CLEC11A: variants seen among roughly 807,000 people sequenced by gnomAD.
CLEC11A encodes C-type lectin domain containing 11A.
A neutral mutation model predicts 33.9 loss-of-function variants in CLEC11A; 35 were observed. That is an observed-to-expected ratio of 1.03 (90% confidence interval 0.79 to 1.37). The LOEUF is 1.37. CLEC11A is among the 40% of genes most tolerant of loss of function. CLEC11A has a pLI of 0.00. For missense variants in CLEC11A, 519 were observed against 455.5 expected (o/e 1.14, Z -1.27); for synonymous variants, 220 against 202.2 (o/e 1.09, Z -0.75).
At position 50,723,938 on chromosome 19, in the gene CLEC11A, AG is replaced by A. The variant is rs768355917; in HGVS notation, c.187del (p.Asp63MetfsTer77). On this transcript the variant is annotated frameshift_variant, in exon 2 of 4. Coordinates refer to ENST00000250340, the MANE Select transcript of CLEC11A (RefSeq NM_002975.3). LOFTEE classifies it high-confidence loss of function. This position sits in a 1 kb window ranked among gnomAD's most constrained non-coding sequence, Gnocchi z 4.1. ...GGAAGCCCTAGGACTGCCTGCTGGGAGGGGGGATGAGAATCCTGCCGGAACT... is the reference window on the plus strand; with the variant it reads ...GGAAGCCCTAGGACTGCCTGCTGGGAGGGGGATGAGAATCCTGCCGGAACT... ...LQEALGLPAG[R>X]GDENPAGTVE... 1 of 1,612,956 alleles carries A rather than the reference AG, an allele frequency of 6.2e-7. No homozygotes were observed.
In CLEC11A at chr19:50,724,981, T is replaced by C; in HGVS notation, c.527-41T>C. 7.0e-7 allele frequency: 1 copy of C among 1,437,668 alleles called. No individual in the cohort carries two copies. Among genetic ancestry groups the C allele is most frequent in the Non-Finnish European group, 9.1e-7 (1 of 1,098,640 alleles). 89.1% of individuals were successfully genotyped at this position (1,437,668 alleles called of 1,614,324 possible). On this transcript the variant is annotated intron_variant, in intron 3 of 3. Transcript: ENST00000250340. The surrounding 1 kb of genome is among the most constrained non-coding windows in gnomAD (Gnocchi z 4.1). ...TCCTCGCCCCCTTCCAGACTCTGAA[T>C]GCATGACCCCGCCTCCTTCTCTACC...
chr19:50,725,327 G>T lies in CLEC11A; in HGVS notation c.832G>T (p.Ala278Ser), dbSNP rs1404948364. The change falls in exon 4 of 4, where the codon GCC becomes TCC. Residue 278 changes from alanine (A) to serine (S), a missense_variant. Ala to Ser is a moderately conservative substitution (Grantham distance 99). Transcript: ENST00000250340. ...CCCCGAGCTCGGCGCCCAGCCCAGCGCCTCGCCGCATCCGCTCAGCCCGGA... is the reference window on the plus strand; with the variant it reads ...CCCCGAGCTCGGCGCCCAGCCCAGCTCCTCGCCGCATCCGCTCAGCCCGGA... The part of the protein sequence containing the change: ...PRPELGAQPS[A>S]SPHPLSPDQP... 4 of 1,611,930 alleles carry T rather than the reference G, an allele frequency of 2.5e-6. No homozygotes were observed. The highest frequency in any genetic ancestry group is 1.1e-5 in the South Asian group (1 of 90,944).
chr19:50,724,028 A>T lies in CLEC11A; in HGVS notation c.271A>T (p.Thr91Ser). 1 of 1,611,730 alleles carries T rather than the reference A, an allele frequency of 6.2e-7. No individual in the cohort carries two copies. Among genetic ancestry groups the T allele is most frequent in the South Asian group, 1.1e-5 (1 of 91,020 alleles). The change falls in exon 2 of 4, where the codon ACG (threonine) becomes TCG (serine). Residue 91 changes from threonine to serine, a missense_variant. Thr to Ser is a moderately conservative substitution (Grantham distance 58). Transcript: ENST00000250340. The surrounding 1 kb of genome is among the most constrained non-coding windows in gnomAD (Gnocchi z 4.1). Reference sequence around the variant, plus strand: ...GGGGGAGGAAGAGGAGGAGGAAGCAACGCCAACCCCATCCTCCGGCCCCAG... The same window carrying T: ...GGGGGAGGAAGAGGAGGAGGAAGCATCGCCAACCCCATCCTCCGGCCCCAG... ...DQGEEEEEEA[T>S]PTPSSGPSPS...
rs1254989267 is a variant in CLEC11A, at chr19:50,725,391, A to T, written c.896A>T (p.Gln299Leu). The change falls in exon 4 of 4, where the codon CAG becomes CTG. Residue 299 changes from glutamine (Q) to leucine (L), a missense_variant. Gln to Leu is a moderately radical substitution (Grantham distance 113, BLOSUM62 -2). Transcript: ENST00000250340. ...NGGTLENCVA[Q>L]ASDDGSWWDH... ...GGCACGCTCGAGAACTGCGTGGCGC[A>T]GGCCTCTGACGACGGCTCCTGGTGG... is the stretch of plus-strand genomic sequence containing the variant. The T allele has an allele frequency of 6.2e-7, 1 of 1,611,778 alleles. No individual in the cohort carries two copies.
chr19:50,724,828 C>T lies in CLEC11A; in HGVS notation c.527-194C>T. Reference sequence around the variant, plus strand: ...CACCACGCCCCCTACAGTCCAGCTCCCACCGCCTGGCCCCGCCCCTGGCGG... The same window carrying T: ...CACCACGCCCCCTACAGTCCAGCTCTCACCGCCTGGCCCCGCCCCTGGCGG... On this transcript the variant is annotated intron_variant, in intron 3 of 3. Coordinates refer to ENST00000250340, the MANE Select transcript of CLEC11A (RefSeq NM_002975.3). The surrounding 1 kb of genome is among the most constrained non-coding windows in gnomAD (Gnocchi z 4.1). The T allele has an allele frequency of 7.3e-7, 1 of 1,369,920 alleles. No homozygotes were observed. Among genetic ancestry groups the T allele is most frequent in the Non-Finnish European group, 9.5e-7 (1 of 1,057,056 alleles). The allele number at this position is 1,369,920 out of a possible 1,614,324, so 84.9% of individuals were successfully genotyped here.
At position 50,725,085 on chromosome 19, in the gene CLEC11A, A is replaced by T; in HGVS notation, c.590A>T (p.Gln197Leu). ...CTGCTCTCGCGCGACTTCGAAGCTC[A>T]GGCGGCGGCGCAGGCGCGGTGCACG... ...CFLLSRDFEA[Q>L]AAAQARCTAR... Residue 197 changes from glutamine to leucine, a missense_variant, in exon 4 of 4, where the codon CAG becomes CTG. Physicochemically the swap from Gln to Leu is moderately radical, Grantham distance 113 (BLOSUM62 -2). Coordinates refer to ENST00000250340, the MANE Select transcript of CLEC11A (RefSeq NM_002975.3). 1 of 1,521,724 alleles carries T rather than the reference A, an allele frequency of 6.6e-7. No individual in the cohort carries two copies. Among genetic ancestry groups the T allele is most frequent in the Non-Finnish European group, 8.8e-7 (1 of 1,136,870 alleles). 94.3% of individuals were successfully genotyped at this position (1,521,724 alleles called of 1,614,324 possible).
rs2089166197 is a variant in CLEC11A, at chr19:50,724,306, C to G, written c.335-104C>G. ...CAGGAGTCCGGGGTGCCCCCCCCAC[C>G]GCCACCCCGCCCTCAGGAGCCCTAG... On this transcript the variant is annotated intron_variant, in intron 2 of 3. Transcript: ENST00000250340. The surrounding 1 kb of genome is among the most constrained non-coding windows in gnomAD (Gnocchi z 4.1). 9.4e-7 allele frequency: 1 copy of G among 1,061,706 alleles called. No homozygotes were observed. The allele number at this position is 1,061,706 out of a possible 1,614,324, so 65.8% of individuals were successfully genotyped here.
At position 50,723,421 on chromosome 19, in the gene CLEC11A, A is replaced by G; in HGVS notation, c.-105A>G. The G allele has an allele frequency of 8.6e-7, 1 of 1,159,516 alleles. No individual in the cohort carries two copies. The highest frequency in any genetic ancestry group is 1.3e-6 in the Non-Finnish European group (1 of 792,042). 71.8% of individuals were successfully genotyped at this position (1,159,516 alleles called of 1,614,324 possible). ...TGGGAGAATCGGGAACCTGGGGGCT[A>G]GTGACCTGCACACAGGGCAGGGGCA... On this transcript the variant is annotated 5_prime_UTR_variant, in exon 1 of 4. Coordinates refer to ENST00000250340, the MANE Select transcript of CLEC11A (RefSeq NM_002975.3). This position sits in a 1 kb window ranked among gnomAD's most constrained non-coding sequence, Gnocchi z 4.1.
chr19:50,725,265 A>AGC lies in CLEC11A; in HGVS notation c.774_775dup (p.Val259AlafsTer147), dbSNP rs764557625. On this transcript the variant is annotated frameshift_variant, in exon 4 of 4. Transcript: ENST00000250340. LOFTEE classifies it high-confidence loss of function. The stretch of plus-strand genomic sequence containing the variant: ...GGCCTCTACCTCTTCGAAAACGGCC[A>AGC]GCGCGTGTCCTTCTTCGCCTGGCAT... The AGC allele has an allele frequency of 1.2e-6, 2 of 1,611,324 alleles. No homozygotes were observed. Among genetic ancestry groups the AGC allele is most frequent in the Non-Finnish European group, 1.7e-6 (2 of 1,179,156 alleles).
Position 50,724,068 on chromosome 19 carries a change from C to G in CLEC11A, c.311C>G (p.Pro104Arg), listed in dbSNP as rs2303688. ...TCCGGCCCCAGCCCCTCTCCCACCC[C>G]TGAGGACATCGTCACTTACATCCGT... is the stretch of plus-strand genomic sequence containing the variant. ...PSSGPSPSPT[P>R]EDIVTYILGR... The change falls in exon 2 of 4, where the codon CCT becomes CGT. Residue 104 changes from proline (P) to arginine (R), a missense_variant. Transcript: ENST00000250340. The surrounding 1 kb of genome is among the most constrained non-coding windows in gnomAD (Gnocchi z 4.1). The G allele has an allele frequency of 3.7e-4, 601 of 1,613,674 alleles. 7 individuals carry two copies. In the East Asian group the frequency reaches 0.013, roughly 35 times the overall value.
Position 50,725,553 on chromosome 19 carries a change from C to T in CLEC11A, c.*86C>T, listed in dbSNP as rs2089181301. On this transcript the variant is annotated 3_prime_UTR_variant, in exon 4 of 4. Transcript: ENST00000250340. ...CACCCTCCTCCGGAATCTCCCTTCC[C>T]TTCCTGGCCACGAATGGCAGCGTCC... The T allele has an allele frequency of 2.1e-6, 3 of 1,452,322 alleles. No individual in the cohort carries two copies. The highest frequency in any genetic ancestry group is 2.5e-5 in the East Asian group (1 of 39,838). The allele number at this position is 1,452,322 out of a possible 1,614,324, so 90.0% of individuals were successfully genotyped here. A position where few individuals can be genotyped will look rare whatever the true frequency, so the allele number is the denominator to read the frequency against.
chr19:50,725,049 A>C lies in CLEC11A; in HGVS notation c.554A>C (p.His185Pro). The change falls in exon 4 of 4, where the codon CAC (histidine) becomes CCC (proline). Residue 185 changes from histidine (H) to proline (P), a missense_variant. Physicochemically the swap from His to Pro is moderately conservative, Grantham distance 77 (BLOSUM62 -2). Coordinates refer to ENST00000250340, the MANE Select transcript of CLEC11A (RefSeq NM_002975.3). ...EGCLKGLRLG[H>P]KCFLLSRDFE... The stretch of plus-strand genomic sequence containing the variant: ...TGCCTGAAGGGGCTGCGCCTGGGCC[A>C]CAAGTGCTTCCTGCTCTCGCGCGAC... 2.6e-6 allele frequency: 4 copies of C among 1,511,804 alleles called. 1 individual carries two copies. In the Middle Eastern group the frequency reaches 6.9e-4, roughly 259 times the overall value. The allele number at this position is 1,511,804 out of a possible 1,614,324, so 93.6% of individuals were successfully genotyped here.
In CLEC11A at chr19:50,725,157, A is replaced by G. The variant is rs1478354007; in HGVS notation, c.662A>G (p.Glu221Gly). 6.4e-7 allele frequency: 1 copy of G among 1,566,306 alleles called. No homozygotes were observed. The highest frequency in any genetic ancestry group is 8.6e-7 in the Non-Finnish European group (1 of 1,157,590). Residue 221 changes from glutamate (E) to glycine (G), a missense_variant, in exon 4 of 4, where the codon GAG becomes GGG. Physicochemically the swap from Glu to Gly is moderately conservative, Grantham distance 98. Coordinates refer to ENST00000250340, the MANE Select transcript of CLEC11A (RefSeq NM_002975.3). ...LAQPADRQQM[E>G]ALTRYLRAAL... ...CAGCCGGCAGACCGCCAGCAGATGG[A>G]GGCGCTCACTCGGTACCTGCGCGCG...
In CLEC11A at chr19:50,724,125, T is replaced by G. The variant is rs1488762831; in HGVS notation, c.334+34T>G. 6.3e-7 allele frequency: 1 copy of G among 1,594,066 alleles called. No homozygotes were observed. Among genetic ancestry groups the G allele is most frequent in the Non-Finnish European group, 8.5e-7 (1 of 1,171,844 alleles). Reference sequence around the variant, plus strand: ...CCAGAAGCCCTCACCCCCAAACTCCTAGGCCGCCGCGGTCACTTTCGCAAA... The same window carrying G: ...CCAGAAGCCCTCACCCCCAAACTCCGAGGCCGCCGCGGTCACTTTCGCAAA... On this transcript the variant is annotated intron_variant, in intron 2 of 3. Transcript: ENST00000250340. The surrounding 1 kb of genome is among the most constrained non-coding windows in gnomAD (Gnocchi z 4.1).
At position 50,725,371 on chromosome 19, in the gene CLEC11A, G is replaced by A. The variant is rs1312499414; in HGVS notation, c.876G>A (p.Thr292=). The A allele has an allele frequency of 3.3e-5, 53 of 1,611,938 alleles. No individual in the cohort carries two copies. Among genetic ancestry groups the A allele is most frequent in the Non-Finnish European group, 4.3e-5 (51 of 1,179,472 alleles). Residue 292 remains threonine (T), a synonymous_variant, in exon 4 of 4, where the codon ACG becomes ACA. Coordinates refer to ENST00000250340, the MANE Select transcript of CLEC11A (RefSeq NM_002975.3). ...PLSPDQPNGG[T]LENCVAQASD... The stretch of plus-strand genomic sequence containing the variant: ...GCCCGGACCAGCCCAACGGTGGCAC[G>A]CTCGAGAACTGCGTGGCGCAGGCCT...
At position 50,725,091 on chromosome 19, in the gene CLEC11A, C is replaced by T. The variant is rs1246273747; in HGVS notation, c.596C>T (p.Ala199Val). The T allele has an allele frequency of 2.6e-6, 4 of 1,520,116 alleles. No homozygotes were observed. The African/African-American group carries it at 4.2e-5, about 16-fold the overall frequency. The allele number at this position is 1,520,116 out of a possible 1,614,324, so 94.2% of individuals were successfully genotyped here. The change falls in exon 4 of 4, where the codon GCG (alanine) becomes GTG (valine). Residue 199 changes from alanine (A) to valine (V), a missense_variant. Physicochemically the swap from Ala to Val is moderately conservative, Grantham distance 64. Transcript: ENST00000250340. ...LLSRDFEAQA[A>V]AQARCTARGG... ...TCGCGCGACTTCGAAGCTCAGGCGGCGGCGCAGGCGCGGTGCACGGCGCGG... is the reference window on the plus strand; with the variant it reads ...TCGCGCGACTTCGAAGCTCAGGCGGTGGCGCAGGCGCGGTGCACGGCGCGG...
In CLEC11A at chr19:50,724,149, A is replaced by G. The variant is rs1339939727; in HGVS notation, c.334+58A>G. 3.7e-5 allele frequency: 59 copies of G among 1,605,276 alleles called. No individual in the cohort carries two copies. The highest frequency in any genetic ancestry group is 4.9e-5 in the Non-Finnish European group (58 of 1,177,400). On this transcript the variant is annotated intron_variant, in intron 2 of 3. Coordinates refer to ENST00000250340, the MANE Select transcript of CLEC11A (RefSeq NM_002975.3). This position sits in a 1 kb window ranked among gnomAD's most constrained non-coding sequence, Gnocchi z 4.1. ...CTAGGCCGCCGCGGTCACTTTCGCA[A>G]AAATGAAGGGTCGGTTCACTGCCAA...
At position 50,723,522 on chromosome 19, in the gene CLEC11A, C is replaced by G; in HGVS notation, c.-4C>G. On this transcript the variant is annotated 5_prime_UTR_variant, in exon 1 of 4. Coordinates refer to ENST00000250340, the MANE Select transcript of CLEC11A (RefSeq NM_002975.3). This position sits in a 1 kb window ranked among gnomAD's most constrained non-coding sequence, Gnocchi z 4.1. ...GGAACTTTGGGTGCCAAGAGTCCAG[C>G]TTAATGCAGGCAGCCTGGCTTTTGG... 3 of 1,612,190 alleles carry G rather than the reference C, an allele frequency of 1.9e-6. No homozygotes were observed. Among genetic ancestry groups the G allele is most frequent in the Non-Finnish European group, 2.5e-6 (3 of 1,179,928 alleles).
Position 50,724,611 on chromosome 19 carries a change from C to G in CLEC11A, c.526+10C>G. 7.2e-7 allele frequency: 1 copy of G among 1,392,094 alleles called. No homozygotes were observed. The highest frequency in any genetic ancestry group is 9.3e-7 in the Non-Finnish European group (1 of 1,077,116). The allele number at this position is 1,392,094 out of a possible 1,614,324, so 86.2% of individuals were successfully genotyped here. A position where few individuals can be genotyped will look rare whatever the true frequency, so the allele number is the denominator to read the frequency against. ...CACGGCCGCTTGGAGGGTGAGTCCG[C>G]GGCGCGCGGGGTGGAAAAAAATGAG... is the stretch of plus-strand genomic sequence containing the variant. On this transcript the variant is annotated intron_variant, in intron 3 of 3. Coordinates refer to ENST00000250340, the MANE Select transcript of CLEC11A (RefSeq NM_002975.3). The surrounding 1 kb of genome is among the most constrained non-coding windows in gnomAD (Gnocchi z 4.1).
Sources: gnomAD v4.1 joint callset for allele counts on GRCh38, gnomAD v4.1.1 for gene constraint, Gnocchi (gnomAD v3.1) non-coding constraint, MANE v1.5 for transcripts, NCBI Gene and HGNC (gene_info 2026-07-23, HGNC 2026-07-21) for gene names.